RAB27A: variants seen among roughly 807,000 people sequenced by gnomAD.
The protein encoded by RAB27A is ras-related protein Rab-27A.
Under a neutral mutation model 20.8 loss-of-function variants are expected in RAB27A, and 17 were observed. The observed-to-expected ratio is 0.82, with a 90% CI of 0.56 to 1.23. RAB27A has a LOEUF of 1.23. Among genes scored for constraint, RAB27A ranks in the 50% most tolerant of loss-of-function variants. The pLI, the probability that RAB27A is intolerant of heterozygous loss-of-function variation, is 0.00. For missense variants in RAB27A, 277 were observed against 266.7 expected (o/e 1.04, Z -0.27); for synonymous variants, 85 against 92.8 (o/e 0.92, Z 0.48).
At chr15:55,241,624 A>ATATATATATATGTGTGTG (rs377301086) in intron 2 of RAB27A, among the ~76,000 whole-genome samples, 8 of 117,660 alleles carry the variant, frequency 6.8e-5, no homozygotes, top group African/African-American at 3.5e-4. Context: ...ATATATATAT[A>ATATATATATATGTGTGTG]TGTGTGTATA....
intron 2 of RAB27A, among the ~76,000 whole-genome samples, chr15:55,254,703 T>C (rs929118033): frequency 6.6e-6 from 1 of 152,206 alleles, no homozygotes; most frequent in Non-Finnish European, 1.5e-5. Context: ...AAGAAAATGT[T>C]TGGCTTCTAC....
chr15:55,301,277 G>A (rs937605037), intron 2 of RAB27A, among the ~76,000 whole-genome samples: 3 of 152,176 alleles, frequency 2.0e-5, no homozygotes, highest in Non-Finnish European at 4.4e-5. Context: ...ATTTTTGGTA[G>A]AGACAGGTTC....
At chr15:55,294,503 G>A (rs756653274), upstream of RAB27A, among the ~76,000 whole-genome samples, 2 of 147,440 alleles carry the variant, frequency 1.4e-5, no homozygotes, top group East Asian at 2.1e-4. Flanking sequence ...TGGGAGGATC[G>A]CTTGAGCCCA....
At chr15:55,240,672 A>G (rs1896443805) in intron 2 of RAB27A, among the ~76,000 whole-genome samples, 1 of 152,202 alleles carries the variant, frequency 6.6e-6, no homozygotes, top group South Asian at 2.1e-4. Flanking sequence ...ATTTGAGTCC[A>G]GTCATGTAAC....
intron 6 of RAB27A, among the ~76,000 whole-genome samples, chr15:55,218,587 A>AT (rs996381755): frequency 2.1e-4 from 32 of 152,316 alleles, no homozygotes; most frequent in African/African-American, 7.0e-4. Flanking sequence ...GTAAATAAAT[A>AT]TTTTTAATTC....
Position 55,205,596 on chromosome 15 carries a change from A to G in RAB27A, c.577T>C (p.Trp193Arg), listed in dbSNP as rs1894605772. The G allele has an allele frequency of 6.2e-7, 1 of 1,614,170 alleles. No individual in the cohort carries two copies. The highest frequency in any genetic ancestry group is 8.5e-7 in the Non-Finnish European group (1 of 1,180,024). The change falls in exon 7 of 7, where the codon TGG (tryptophan) becomes CGG (arginine). Residue 193 changes from tryptophan (W) to arginine (R), a missense_variant. Trp to Arg is a moderately radical substitution (Grantham distance 101). Transcript: ENST00000336787. ...GATCGCACCACTCCTTCAGGAATCC[A>G]GGACTTGTCCACACACCGTTCCATT... ...KRMERCVDKS[W>R]IPEGVVRSNG...
intron 1 of RAB27A, among the ~76,000 whole-genome samples, chr15:55,276,341 T>C (rs1047534594): frequency 6.6e-6 from 1 of 152,212 alleles, no homozygotes; most frequent in Non-Finnish European, 1.5e-5. Flanking sequence ...GATATTATAC[T>C]AAGTTAAATA....
At position 55,223,163 on chromosome 15, in the gene RAB27A, C is replaced by T. The variant is rs547658808; in HGVS notation, c.467+726G>A. The stretch of plus-strand genomic sequence containing the variant: ...CCTAATCTGCAATAACCAATAAGCC[C>T]TTCTTATATGCTAGCATTCTCTACA... On this transcript the variant is annotated intron_variant, in intron 6 of 6. Coordinates refer to ENST00000336787, the MANE Select transcript of RAB27A (RefSeq NM_183235.3). Among the ~76,000 whole-genome samples the T allele has an allele frequency of 5.6e-4, 85 of 152,180 alleles. No homozygotes were observed. The South Asian group carries it at 0.017, about 31-fold the overall frequency.
chr15:55,319,001 C>T lies in RAB27A; in HGVS notation c.-304G>A, dbSNP rs550882246. On this transcript the variant is annotated 5_prime_UTR_variant, in exon 1 of 6. Transcript: ENST00000563262. Reference sequence around the variant, plus strand: ...CCTGCTCCCCTCCAGAGACCGGGGGCCTTCCAGCAGTTTTCGGACCCCCGA... The same window carrying T: ...CCTGCTCCCCTCCAGAGACCGGGGGTCTTCCAGCAGTTTTCGGACCCCCGA... 6.2e-5 allele frequency: 29 copies of T among 468,368 alleles called. No individual in the cohort carries two copies. In the South Asian group the frequency reaches 8.9e-4, roughly 14 times the overall value. The allele number at this position is 468,368 out of a possible 1,614,324, so 29.0% of individuals were successfully genotyped here. A position where few individuals can be genotyped will look rare whatever the true frequency, so the allele number is the denominator to read the frequency against.
chr15:55,268,565 T>C (rs11071176), intron 2 of RAB27A, among the ~76,000 whole-genome samples: 36,088 of 152,018 alleles, frequency 0.24, 5,519 homozygotes, highest in East Asian at 0.56. Context: ...GACACACAAG[T>C]GTGAGAGTGG....
intron 6 of RAB27A, among the ~76,000 whole-genome samples, chr15:55,217,663 CAAAAAAAAAAAAAAAAAAAAAAAAA>C (rs199813098): frequency 2.3e-5 from 1 of 43,544 alleles, no homozygotes. Context: ...CACTCCATCT[CAAAAAAAAAAAAAAAAAAAAAAAAA>C]AAAAAAATTC....
At chr15:55,251,967 T>A (rs983372257) in intron 2 of RAB27A, among the ~76,000 whole-genome samples, 2 of 152,110 alleles carry the variant, frequency 1.3e-5, no homozygotes, top group African/African-American at 4.8e-5. Context: ...CCTACCTGGC[T>A]TCATGTCAAG....
intron 1 of RAB27A, among the ~76,000 whole-genome samples, chr15:55,283,805 AG>A (rs150585563): frequency 0.017 from 2,540 of 152,284 alleles, 28 homozygotes; most frequent in Non-Finnish European, 0.026. Context: ...TCCCCTTATT[AG>A]GGCTAGTACA....
At chr15:55,303,907 C>T (rs2054986591) in intron 2 of RAB27A, among the ~76,000 whole-genome samples, 1 of 146,726 alleles carries the variant, frequency 6.8e-6, no homozygotes, top group African/African-American at 2.6e-5. Context: ...GCCCGGCCGC[C>T]CCTACTGGGA....
chr15:55,251,408 A>C (rs754988147), intron 2 of RAB27A, among the ~76,000 whole-genome samples: 2 of 152,194 alleles, frequency 1.3e-5, no homozygotes, highest in Non-Finnish European at 2.9e-5. Context: ...GCAACCAAAG[A>C]AGCAGCATCG....
chr15:55,209,911 T>C lies in RAB27A; in HGVS notation c.468-4206A>G, dbSNP rs1338097393. 8.3e-5 allele frequency among the ~76,000 whole-genome samples: 10 copies of C among 120,434 alleles called. 2 individuals carry two copies. Among genetic ancestry groups the C allele is most frequent in the Non-Finnish European group, 1.3e-4 (8 of 61,456 alleles). 79.0% of individuals were successfully genotyped at this position (120,434 alleles called of 152,430 possible). ...ATACATATATACACATATGTGTGTGTATGTATATACACACATATATGTATG... is the reference window on the plus strand; with the variant it reads ...ATACATATATACACATATGTGTGTGCATGTATATACACACATATATGTATG... On this transcript the variant is annotated intron_variant, in intron 6 of 6. Transcript: ENST00000336787.
At chr15:55,229,339 A>T (rs761001158) in intron 4 of RAB27A, among the ~76,000 whole-genome samples, 13 of 152,198 alleles carry the variant, frequency 8.5e-5, no homozygotes, top group Non-Finnish European at 1.3e-4. Context: ...CTAATCAGCA[A>T]TATTAGGTTT....
At chr15:55,299,778 C>T (rs549962470) in intron 2 of RAB27A, among the ~76,000 whole-genome samples, 1 of 151,708 alleles carries the variant, frequency 6.6e-6, no homozygotes, top group Admixed American at 6.6e-5. Flanking sequence ...TTGGATGATA[C>T]ATGAAATTAG....
intron 2 of RAB27A, chr15:55,260,051 T>C (rs1897219538): frequency 6.6e-6 from 1 of 152,360 alleles, no homozygotes; most frequent in Admixed American, 6.5e-5. Flanking sequence ...AAGATTGACA[T>C]GTTCATGATG....
Sources: allele counts gnomAD v4.1 joint callset (sites outside exome capture counted in the v4.1 genomes callset), GRCh38; gene constraint gnomAD v4.1.1; transcripts MANE v1.5; gene names NCBI Gene and HGNC (gene_info 2026-07-23, HGNC 2026-07-21).